Variants in CADPS2 observed in about 807,000 individuals in gnomAD.
CADPS2 encodes calcium-dependent secretion activator 2.
Under a neutral mutation model 172.5 loss-of-function variants are expected in CADPS2, and 93 were observed. The ratio of observed to expected loss-of-function variants is 0.54; its 90% CI spans 0.46 to 0.64. CADPS2 has a LOEUF of 0.64. Among genes scored for constraint, CADPS2 ranks in the 30% least tolerant of loss-of-function variants. CADPS2 has a pLI of 0.00. For synonymous variants in CADPS2, 546 were observed against 555.2 expected (o/e 0.98, Z 0.23); for missense variants, 1,420 against 1,565.9 (o/e 0.91, Z 1.57).
intron 1 of CADPS2, among the ~76,000 whole-genome samples, chr7:122,838,879 C>A (rs541391256): frequency 1.3e-4 from 20 of 152,226 alleles, no homozygotes; most frequent in Admixed American, 5.2e-4. Context: ...ATTCAATGCC[C>A]TCCCCATCAA....
intron 14 of CADPS2, among the ~76,000 whole-genome samples, chr7:122,459,529 G>A (rs2054198794): frequency 6.6e-6 from 1 of 152,030 alleles, no homozygotes; most frequent in Non-Finnish European, 1.5e-5. Context: ...ACCAACTGTA[G>A]TCTTTATCCT....
chr7:122,538,993 G>GA (rs1362370185), intron 8 of CADPS2, among the ~76,000 whole-genome samples: 1 of 151,936 alleles, frequency 6.6e-6, no homozygotes, highest in Non-Finnish European at 1.5e-5. Context: ...GATGTTTAAT[G>GA]AAAAAAATTA....
intron 8 of CADPS2, among the ~76,000 whole-genome samples, chr7:122,546,739 C>T (rs2063659824): frequency 6.6e-6 from 1 of 152,162 alleles, no homozygotes; most frequent in African/African-American, 2.4e-5. Context: ...GAAATCTTTG[C>T]AAGTCTTGGT....
At chr7:122,361,524 G>A (rs1045517838) in intron 25 of CADPS2, among the ~76,000 whole-genome samples, 8 of 151,922 alleles carry the variant, frequency 5.3e-5, no homozygotes, top group African/African-American at 1.9e-4. Flanking sequence ...GAGCCACCGT[G>A]TCTGGCCAAT....
At chr7:122,588,764 CACT>C (rs1265761413) in intron 6 of CADPS2, among the ~76,000 whole-genome samples, 1 of 151,816 alleles carries the variant, frequency 6.6e-6, no homozygotes, top group Non-Finnish European at 1.5e-5. Context: ...ACTTTGGATT[CACT>C]CAATTCATGA....
At chr7:122,369,127 T>TTACCCCCC (rs2041382927) in intron 25 of CADPS2, among the ~76,000 whole-genome samples, 1 of 49,768 alleles carries the variant, frequency 2.0e-5, no homozygotes, top group East Asian at 7.0e-4. Flanking sequence ...AATTTTTGTT[T>TTACCCCCC]CCCCCCCCCC....
At chr7:122,632,249 G>C (rs1338791441) in intron 3 of CADPS2, among the ~76,000 whole-genome samples, 1 of 152,154 alleles carries the variant, frequency 6.6e-6, no homozygotes, top group East Asian at 1.9e-4. Flanking sequence ...TGTAACAGTA[G>C]TTCTGTTTTA....
chr7:122,882,777 C>A (rs1823279610), intron 1 of CADPS2, among the ~76,000 whole-genome samples: 1 of 152,100 alleles, frequency 6.6e-6, no homozygotes, highest in South Asian at 2.1e-4. Flanking sequence ...CAAAGTTAAT[C>A]ATCATTGTTA....
chr7:122,634,675 T>G (rs1157454727), intron 3 of CADPS2, among the ~76,000 whole-genome samples: 1 of 152,168 alleles, frequency 6.6e-6, no homozygotes, highest in Non-Finnish European at 1.5e-5. Context: ...AGTTCTTTGC[T>G]GATTTTAGTT....
At chr7:122,800,330 G>A (rs973760066) in intron 1 of CADPS2, among the ~76,000 whole-genome samples, 9 of 152,058 alleles carry the variant, frequency 5.9e-5, no homozygotes, top group South Asian at 2.1e-4. Flanking sequence ...GGTTCAACAC[G>A]ACAACTTGCC....
intron 12 of CADPS2, among the ~76,000 whole-genome samples, chr7:122,478,261 C>T (rs1442264483): frequency 6.6e-6 from 1 of 152,166 alleles, no homozygotes; most frequent in East Asian, 1.9e-4. Context: ...TCAGATTTCT[C>T]TGATAATGGA....
At chr7:122,882,354 A>C (rs1012275984) in intron 1 of CADPS2, among the ~76,000 whole-genome samples, 1 of 152,166 alleles carries the variant, frequency 6.6e-6, no homozygotes, top group African/African-American at 2.4e-5. Context: ...ATTATATGGA[A>C]GGTTAGTAGG....
intron 28 of CADPS2, among the ~76,000 whole-genome samples, chr7:122,329,986 A>T (rs1443159134): frequency 6.6e-6 from 1 of 152,190 alleles, no homozygotes; most frequent in Non-Finnish European, 1.5e-5. Flanking sequence ...CTTTTTATTG[A>T]TTATGAATTG....
At chr7:122,370,208 T>C (rs1224503311) in intron 25 of CADPS2, among the ~76,000 whole-genome samples, 3 of 152,156 alleles carry the variant, frequency 2.0e-5, no homozygotes, top group African/African-American at 7.2e-5. Flanking sequence ...CACATTTGTA[T>C]GGCTTGCATT....
intron 2 of CADPS2, among the ~76,000 whole-genome samples, chr7:122,668,613 GAGAT>G (rs1564013671): frequency 6.6e-6 from 1 of 152,122 alleles, no homozygotes; most frequent in African/African-American, 2.4e-5. Context: ...CAAGATAAGA[GAGAT>G]AGAGACAGTC....
intron 16 of CADPS2, chr7:122,439,244 C>T (rs1052960958): frequency 6.6e-6 from 1 of 152,138 alleles, no homozygotes; most frequent in African/African-American, 2.4e-5. Context: ...GTTACATTGA[C>T]TCATAATTTT....
At chr7:122,582,827 T>C (rs1231452188) in intron 6 of CADPS2, among the ~76,000 whole-genome samples, 1 of 152,034 alleles carries the variant, frequency 6.6e-6, no homozygotes, top group Non-Finnish European at 1.5e-5. Context: ...ATAGAAACAG[T>C]CTAATAGGTT....
chr7:122,701,382 T>C (rs192419960), intron 2 of CADPS2, among the ~76,000 whole-genome samples: 9 of 152,088 alleles, frequency 5.9e-5, no homozygotes, highest in Admixed American at 4.6e-4. Context: ...TAGGTGGGAA[T>C]TGAACAATGA....
intron 3 of CADPS2, 65 bp from the exon 4 acceptor site, chr7:122,629,393 T>G (rs758682363): frequency 7.8e-5 from 94 of 1,206,024 alleles, no homozygotes; most frequent in Middle Eastern, 2.0e-4. Flanking sequence ...ACCCACAGAC[T>G]GAGGCAGTCC....
Sources: gnomAD v4.1 joint callset for allele counts (sites outside exome capture counted in the v4.1 genomes callset) on GRCh38, gnomAD v4.1.1 for gene constraint, MANE v1.5 for transcripts, NCBI Gene and HGNC (gene_info 2026-07-23, HGNC 2026-07-21) for gene names.